Variants in YAE1 observed in about 807,000 individuals in gnomAD.
YAE1 encodes the protein protein YAE1 homolog.
Under a neutral mutation model 23.0 loss-of-function variants are expected in YAE1, and 22 were observed. The ratio of observed to expected loss-of-function variants is 0.96; its 90% CI spans 0.68 to 1.37. The LOEUF (loss-of-function observed/expected upper bound fraction) is 1.37. Among genes scored for constraint, YAE1 ranks in the 40% most tolerant of loss-of-function variants. YAE1 has a pLI of 0.00. For missense variants in YAE1, 260 were observed against 262.1 expected (o/e 0.99, Z 0.06); for synonymous variants, 101 against 97.0 (o/e 1.04, Z -0.24).
At chr7:39,598,931 G>T (rs991670527) in intron 2 of YAE1, among the ~76,000 whole-genome samples, 1 of 151,796 alleles carries the variant, frequency 6.6e-6, no homozygotes, top group Non-Finnish European at 1.5e-5. Flanking sequence ...GATGTATAAC[G>T]TAGGGATTCT....
At chr7:39,589,401 G>A (rs945500029) in intron 2 of YAE1, among the ~76,000 whole-genome samples, 1 of 151,968 alleles carries the variant, frequency 6.6e-6, no homozygotes, top group Non-Finnish European at 1.5e-5. Context: ...CCAAGTAGCT[G>A]GGACTACAGG....
At chr7:39,609,984 T>C (rs2115863098) in exon 3 of YAE1, 1 of 1,517,020 alleles carries the variant, frequency 6.6e-7, no homozygotes, top group Non-Finnish European at 8.8e-7. Context: ...TGGACACATT[T>C]AGAAGTTGTT....
chr7:39,598,901 A>C (rs975441284), intron 2 of YAE1, among the ~76,000 whole-genome samples: 4 of 150,292 alleles, frequency 2.7e-5, no homozygotes, highest in Non-Finnish European at 5.9e-5. Context: ...TTTTTTTTTC[A>C]GTTCTCCCCA....
downstream of YAE1, among the ~76,000 whole-genome samples, chr7:39,611,181 G>A (rs1342316438): frequency 6.6e-6 from 1 of 152,054 alleles, no homozygotes; most frequent in Non-Finnish European, 1.5e-5. Context: ...ATGGCCATTG[G>A]CTGTGGTTAT....
intron 2 of YAE1, among the ~76,000 whole-genome samples, chr7:39,606,942 T>C (rs1241225403): frequency 6.6e-6 from 1 of 152,240 alleles, no homozygotes; most frequent in African/African-American, 2.4e-5. Flanking sequence ...ATAAAATTTT[T>C]ATTCCTTTCT....
chr7:39,574,733 C>CAAAAA (rs574580885), downstream of YAE1, among the ~76,000 whole-genome samples: 1 of 78,060 alleles, frequency 1.3e-5, no homozygotes, highest in Admixed American at 1.5e-4. Flanking sequence ...ACTCTGTCTC[C>CAAAAA]AAAAAAAAAA....
exon 3 of YAE1, chr7:39,610,006 G>A (rs1204063833): frequency 6.6e-7 from 1 of 1,507,942 alleles, no homozygotes; most frequent in African/African-American, 1.4e-5. Flanking sequence ...TTAATCAGAG[G>A]GCAGCTTGTG....
At chr7:39,569,867 A>G in intron 1 of YAE1, 6 of 1,013,098 alleles carry the variant, frequency 5.9e-6, no homozygotes, top group Non-Finnish European at 7.9e-6. Flanking sequence ...GAGGATGCCT[A>G]AATTCACCAT....
intron 1 of YAE1, among the ~76,000 whole-genome samples, chr7:39,568,014 C>G (rs190572571): frequency 2.0e-5 from 3 of 152,138 alleles, no homozygotes; most frequent in Admixed American, 2.0e-4. Flanking sequence ...TAGGAAAGAA[C>G]AGGAAAATAT....
rs369272531 is a variant in YAE1 at position 39,570,541 on chromosome 7, A to G, written c.165A>G (p.Ala55=). Residue 55 remains alanine, a synonymous_variant, in exon 2 of 3, where the codon GCA becomes GCG. Coordinates refer to ENST00000223273, the MANE Select transcript of YAE1 (RefSeq NM_020192.5). ...GAGATGGAATAGATGCTGGCAAAGC[A>G]GTTACTCTTCAACAGGGCTTCAATC... is the stretch of plus-strand genomic sequence containing the variant. ...GYRDGIDAGK[A]VTLQQGFNQG... The G allele has an allele frequency of 6.2e-5, 100 of 1,612,002 alleles. No individual in the cohort carries two copies. Among genetic ancestry groups the G allele is most frequent in the Non-Finnish European group, 8.0e-5 (94 of 1,179,692 alleles).
At chr7:39,610,283 C>A in exon 3 of YAE1, 1 of 507,278 alleles carries the variant, frequency 2.0e-6, no homozygotes, top group Non-Finnish European at 3.6e-6. Context: ...TGTCTTGAAG[C>A]TTTTTGTTGC....
chr7:39,581,149 C>T (rs1454884080), intron 2 of YAE1, among the ~76,000 whole-genome samples: 1 of 152,222 alleles, frequency 6.6e-6, no homozygotes, highest in Non-Finnish European at 1.5e-5. Context: ...AAATATATCA[C>T]AACTCTTCTC....
At chr7:39,570,139 AC>A in intron 1 of YAE1, 3 of 817,422 alleles carry the variant, frequency 3.7e-6, no homozygotes, top group Non-Finnish European at 2.0e-6. Context: ...TCCAGGGAGC[AC>A]CCCCAAGCAA....
intron 2 of YAE1, among the ~76,000 whole-genome samples, chr7:39,596,875 ATAAC>A (rs1790982552): frequency 6.6e-6 from 1 of 152,236 alleles, no homozygotes; most frequent in Non-Finnish European, 1.5e-5. Flanking sequence ...TATAGGAAAA[ATAAC>A]TAACATGTTA....
At chr7:39,610,084 T>C in exon 3 of YAE1, 1 of 1,385,142 alleles carries the variant, frequency 7.2e-7, no homozygotes, top group Non-Finnish European at 9.5e-7. Flanking sequence ...TGGGTGAAGA[T>C]GGACCAGCCC....
At chr7:39,600,885 C>A (rs2115841864) in intron 2 of YAE1, among the ~76,000 whole-genome samples, 1 of 152,270 alleles carries the variant, frequency 6.6e-6, no homozygotes, top group Non-Finnish European at 1.5e-5. Context: ...GAAACAAACC[C>A]TGTCAATACC....
downstream of YAE1, among the ~76,000 whole-genome samples, chr7:39,577,252 CAT>C: frequency 6.6e-6 from 1 of 152,374 alleles, no homozygotes; most frequent in Non-Finnish European, 1.5e-5. Context: ...TAAAAATCCA[CAT>C]ATCCAAACTG....
chr7:39,610,008 C>T, exon 3 of YAE1: 2 of 1,506,876 alleles, frequency 1.3e-6, no homozygotes, highest in Non-Finnish European at 1.8e-6. Flanking sequence ...AATCAGAGGG[C>T]AGCTTGTGCT....
At chr7:39,598,172 C>T (rs1030636067) in intron 2 of YAE1, among the ~76,000 whole-genome samples, 1 of 151,814 alleles carries the variant, frequency 6.6e-6, no homozygotes, top group Non-Finnish European at 1.5e-5. Flanking sequence ...TACAGTGGCA[C>T]GATCTTAGCT....
Sources: gnomAD v4.1 joint callset for allele counts (sites outside exome capture counted in the v4.1 genomes callset) on GRCh38, gnomAD v4.1.1 for gene constraint, MANE v1.5 for transcripts, NCBI Gene and HGNC (gene_info 2026-07-23, HGNC 2026-07-21) for gene names.